PRKCE: variants seen among roughly 807,000 people sequenced by gnomAD.
The protein encoded by PRKCE is protein kinase C epsilon type.
A neutral mutation model predicts 85.4 loss-of-function variants in PRKCE; 16 were observed. The observed-to-expected ratio is 0.19, with a 90% CI of 0.13 to 0.28. The LOEUF (loss-of-function observed/expected upper bound fraction) is 0.28, where lower values mean the gene tolerates loss of function less well. PRKCE is among the 10% of genes least tolerant of loss of function. PRKCE has a pLI of 1.00. For synonymous variants in PRKCE, 388 were observed against 371.5 expected (o/e 1.04, Z -0.51); for missense variants, 573 against 975.2 (o/e 0.59, Z 5.49).
At chr2:46,149,914 T>C (rs554567930) in intron 12 of PRKCE, among the ~76,000 whole-genome samples, 9 of 151,760 alleles carry the variant, frequency 5.9e-5, no homozygotes, top group African/African-American at 2.2e-4. Context: ...TGAAGTGCAG[T>C]CGCATGATTA....
chr2:46,026,526 A>G (rs1008566736), intron 10 of PRKCE, among the ~76,000 whole-genome samples: 1 of 152,218 alleles, frequency 6.6e-6, no homozygotes, highest in African/African-American at 2.4e-5. Context: ...TGTCACTCTG[A>G]TGTAAGAAAA....
chr2:46,161,805 A>T (rs933458561), intron 14 of PRKCE, among the ~76,000 whole-genome samples: 2 of 152,112 alleles, frequency 1.3e-5, no homozygotes, highest in African/African-American at 4.8e-5. Flanking sequence ...ATTCCAGAAC[A>T]CTGCCAAAGC....
At chr2:45,735,036 CT>C (rs1681931197) in intron 1 of PRKCE, among the ~76,000 whole-genome samples, 3 of 152,254 alleles carry the variant, frequency 2.0e-5, no homozygotes. Context: ...TGAGAACAGT[CT>C]TCAATAAACC....
chr2:45,800,504 A>G (rs571584268), intron 1 of PRKCE, among the ~76,000 whole-genome samples: 2 of 152,358 alleles, frequency 1.3e-5, no homozygotes, highest in East Asian at 3.9e-4. Context: ...AGTTGGCTAC[A>G]GGCTCTTGCC....
At chr2:45,837,825 GCAC>G (rs1214308226) in intron 1 of PRKCE, among the ~76,000 whole-genome samples, 1 of 152,124 alleles carries the variant, frequency 6.6e-6, no homozygotes, top group Non-Finnish European at 1.5e-5. Context: ...AGCCATGACG[GCAC>G]CACTTCACTC....
At chr2:45,931,170 G>T (rs1699016645) in intron 2 of PRKCE, among the ~76,000 whole-genome samples, 1 of 152,180 alleles carries the variant, frequency 6.6e-6, no homozygotes, top group Admixed American at 6.5e-5. Context: ...TAGTATTTCT[G>T]TTAAGTCCTT....
At chr2:45,874,336 A>G (rs926382558) in intron 2 of PRKCE, among the ~76,000 whole-genome samples, 1 of 152,202 alleles carries the variant, frequency 6.6e-6, no homozygotes, top group Non-Finnish European at 1.5e-5. Context: ...AAGTGGCTGC[A>G]GGGGCTTCGT....
chr2:45,903,888 T>TTTTTTTG (rs1353470104), intron 2 of PRKCE, among the ~76,000 whole-genome samples: 4 of 65,082 alleles, frequency 6.1e-5, no homozygotes, highest in African/African-American at 3.0e-4. Context: ...GCAGTTTTTT[T>TTTTTTTG]TTGTTTGTTT....
intron 5 of PRKCE, 146 bp downstream of exon 5, chr2:45,980,527 C>T (rs921528287): frequency 1.1e-4 from 81 of 754,504 alleles, no homozygotes; most frequent in Non-Finnish European, 1.3e-4. Context: ...GAGCTGTCCA[C>T]GGTCTTCTGG....
rs574059409 is a variant in PRKCE, at chr2:46,132,748, A to T, written c.1593-12345A>T. Among the ~76,000 whole-genome samples the T allele has an allele frequency of 7.0e-4, 107 of 152,372 alleles. 2 individuals carry two copies. The South Asian group carries it at 0.021, about 30-fold the overall frequency. On this transcript the variant is annotated intron_variant, in intron 11 of 14. Coordinates refer to ENST00000306156, the MANE Select transcript of PRKCE (RefSeq NM_005400.3). Reference sequence around the variant, plus strand: ...TTTCTTAGCCGTTGGAAAGCACCGCATGGTCTTAAAGCAAATACCTTCCAT... The same window carrying T: ...TTTCTTAGCCGTTGGAAAGCACCGCTTGGTCTTAAAGCAAATACCTTCCAT...
intron 13 of PRKCE, among the ~76,000 whole-genome samples, chr2:46,158,694 C>T (rs1304786442): frequency 2.0e-5 from 3 of 152,194 alleles, no homozygotes; most frequent in Non-Finnish European, 4.4e-5. Flanking sequence ...AGATATTCAG[C>T]CTTCACACTA....
intron 10 of PRKCE, among the ~76,000 whole-genome samples, chr2:46,014,106 G>A (rs1039200174): frequency 6.6e-6 from 1 of 152,134 alleles, no homozygotes; most frequent in Non-Finnish European, 1.5e-5. Context: ...ATCTAGAAAG[G>A]CAAAAAGCAA....
At chr2:45,776,344 A>G (rs1685747537) in intron 1 of PRKCE, among the ~76,000 whole-genome samples, 1 of 152,156 alleles carries the variant, frequency 6.6e-6, no homozygotes, top group Admixed American at 6.5e-5. Context: ...ATCCCCTACG[A>G]GTTTCGGCTT....
At chr2:45,655,065 G>C (rs1055109912) in intron 1 of PRKCE, among the ~76,000 whole-genome samples, 1 of 152,130 alleles carries the variant, frequency 6.6e-6, no homozygotes, top group African/African-American at 2.4e-5. Flanking sequence ...TCATTTTTGC[G>C]GAACACCGAA....
At chr2:46,090,690 T>TATGG (rs1670081096) in intron 11 of PRKCE, among the ~76,000 whole-genome samples, 1 of 152,152 alleles carries the variant, frequency 6.6e-6, no homozygotes, top group African/African-American at 2.4e-5. Flanking sequence ...TCTTTTATTT[T>TATGG]ATGGATTTAT....
At chr2:46,129,226 G>C (rs976168988) in intron 11 of PRKCE, among the ~76,000 whole-genome samples, 1 of 152,152 alleles carries the variant, frequency 6.6e-6, no homozygotes, top group African/African-American at 2.4e-5. Flanking sequence ...GTGAGCACAG[G>C]GTCTTCATGG....
intron 2 of PRKCE, among the ~76,000 whole-genome samples, chr2:45,931,799 C>T (rs373207032): frequency 1.3e-4 from 20 of 152,230 alleles, no homozygotes; most frequent in African/African-American, 4.1e-4. Flanking sequence ...CTTCGCCTCC[C>T]GGGTTGCAGC....
At chr2:45,963,306 G>C (rs1281779001) in intron 2 of PRKCE, among the ~76,000 whole-genome samples, 1 of 151,886 alleles carries the variant, frequency 6.6e-6, no homozygotes, top group African/African-American at 2.4e-5. Context: ...ATCTTTACTT[G>C]TTTTTATTTA....
chr2:46,027,314 C>T (rs1177250048), intron 10 of PRKCE, among the ~76,000 whole-genome samples: 1 of 151,922 alleles, frequency 6.6e-6, no homozygotes, highest in East Asian at 1.9e-4. Context: ...TCATCCTGGG[C>T]ATCAGAGTGA....
Sources: gnomAD v4.1 joint callset for allele counts (sites outside exome capture counted in the v4.1 genomes callset) on GRCh38, gnomAD v4.1.1 for gene constraint, MANE v1.5 for transcripts, NCBI Gene and HGNC (gene_info 2026-07-23, HGNC 2026-07-21) for gene names.